CDH4: variants seen among roughly 807,000 people sequenced by gnomAD.
CDH4 encodes the protein cadherin 4.
Under a neutral mutation model 86.0 loss-of-function variants are expected in CDH4, and 33 were observed. The observed-to-expected ratio is 0.38, with a 90% CI of 0.29 to 0.51. The LOEUF (loss-of-function observed/expected upper bound fraction) is 0.51, where lower values mean the gene tolerates loss of function less well. CDH4 is among the 20% of genes least tolerant of loss of function. The probability of loss-of-function intolerance (pLI) is 0.86; values close to 1 mark genes in which losing one functional copy is unlikely to be tolerated. For synonymous variants in CDH4, 555 were observed against 549.4 expected (o/e 1.01, Z -0.14); for missense variants, 1,114 against 1,307.4 (o/e 0.85, Z 2.28).
intron 2 of CDH4, among the ~76,000 whole-genome samples, chr20:61,362,184 G>A (rs931600536): frequency 6.6e-6 from 1 of 152,328 alleles, no homozygotes; most frequent in African/African-American, 2.4e-5. Flanking sequence ...AGGTCCAGGT[G>A]GGGGCACAGC....
rs918943934 is a variant in CDH4 at position 61,623,397 on chromosome 20, C to T, written c.170-120166C>T. Among the ~76,000 whole-genome samples the T allele has an allele frequency of 6.6e-6, 1 of 152,168 alleles. No individual in the cohort carries two copies. Among genetic ancestry groups the T allele is most frequent in the African/African-American group, 2.4e-5 (1 of 41,434 alleles). On this transcript the variant is annotated intron_variant, in intron 2 of 15. Transcript: ENST00000614565. This position sits in a 1 kb window ranked among gnomAD's most constrained non-coding sequence, Gnocchi z 4.4. ...CCATCACAAAGCCCCCTTTAAACTC[C>T]CGTTTAGAACAGTGATTGAAGGTGC...
At chr20:61,455,985 G>A (rs941586985) in intron 2 of CDH4, among the ~76,000 whole-genome samples, 1 of 150,764 alleles carries the variant, frequency 6.6e-6, no homozygotes. Flanking sequence ...ATAGAAGGAT[G>A]GATGGATGGA....
chr20:61,623,959 G>A lies in CDH4; in HGVS notation c.170-119604G>A, dbSNP rs1568719078. Among the ~76,000 whole-genome samples, 1 of 152,056 alleles carries A rather than the reference G, an allele frequency of 6.6e-6. No individual in the cohort carries two copies. The highest frequency in any genetic ancestry group is 1.5e-5 in the Non-Finnish European group (1 of 68,008). Reference sequence around the variant, plus strand: ...GAGGAACACCCCAGAATCTGAGCAGGAAAGACACGGTTCCTAGAGCGAGGA... The same window carrying A: ...GAGGAACACCCCAGAATCTGAGCAGAAAAGACACGGTTCCTAGAGCGAGGA... On this transcript the variant is annotated intron_variant, in intron 2 of 15. Transcript: ENST00000614565. The surrounding 1 kb of genome is among the most constrained non-coding windows in gnomAD (Gnocchi z 4.4).
intron 2 of CDH4, among the ~76,000 whole-genome samples, chr20:61,680,388 A>G (rs1030362311): frequency 2.0e-5 from 3 of 152,044 alleles, no homozygotes; most frequent in Admixed American, 6.5e-5. Context: ...TGCCTCCGTG[A>G]CCTTGCCCCA....
At position 61,565,358 on chromosome 20, in the gene CDH4, G is replaced by GC. The variant is rs144748536; in HGVS notation, c.170-178205_170-178204insC. On this transcript the variant is annotated intron_variant, in intron 2 of 15. Coordinates refer to ENST00000614565, the MANE Select transcript of CDH4 (RefSeq NM_001794.5). The stretch of plus-strand genomic sequence containing the variant: ...GGTGGTAGTGGTCCTCTTGGTGATG[G>GC]GGTGATGGTGGTGGTGGTCCTCTTG... 4.4e-3 allele frequency among the ~76,000 whole-genome samples: 147 copies of GC among 33,354 alleles called. 29 individuals are homozygous for GC. The highest frequency in any genetic ancestry group is 4.0e-3 in the Non-Finnish European group (70 of 17,616). 21.9% of individuals were successfully genotyped at this position (33,354 alleles called of 152,430 possible).
intron 5 of CDH4, among the ~76,000 whole-genome samples, chr20:61,851,190 G>A (rs985410897): frequency 3.3e-5 from 5 of 152,214 alleles, no homozygotes; most frequent in African/African-American, 1.2e-4. Flanking sequence ...TGGCGTGCGT[G>A]CAGCCACATC....
At chr20:61,275,132 T>C (rs1459968640) in intron 2 of CDH4, among the ~76,000 whole-genome samples, 8 of 103,436 alleles carry the variant, frequency 7.7e-5, no homozygotes, top group Admixed American at 1.2e-4. Context: ...TGGGGAGTAC[T>C]GTGTGCAGTT....
intron 2 of CDH4, among the ~76,000 whole-genome samples, chr20:61,689,241 G>A (rs1213237259): frequency 7.5e-6 from 1 of 133,742 alleles, no homozygotes; most frequent in African/African-American, 2.8e-5. Context: ...ACAGTGGTTG[G>A]TGAGGTGATG....
At chr20:61,673,407 A>G (rs1319750493) in intron 2 of CDH4, among the ~76,000 whole-genome samples, 2 of 152,212 alleles carry the variant, frequency 1.3e-5, no homozygotes, top group East Asian at 1.9e-4. Context: ...CGTGAAGGGC[A>G]TGGTGCTTAT....
intron 3 of CDH4, among the ~76,000 whole-genome samples, chr20:61,763,078 C>G (rs571376580): frequency 2.0e-5 from 3 of 152,230 alleles, no homozygotes; most frequent in Non-Finnish European, 4.4e-5. Flanking sequence ...GACCTGGCCG[C>G]TGGGCGGGAT....
chr20:61,802,892 C>T (rs1447625164), intron 4 of CDH4, among the ~76,000 whole-genome samples: 1 of 152,166 alleles, frequency 6.6e-6, no homozygotes, highest in African/African-American at 2.4e-5. Context: ...CTGCCTTTTG[C>T]GGGATAGTCG....
intron 2 of CDH4, among the ~76,000 whole-genome samples, chr20:61,285,634 T>C (rs1226292859): frequency 2.0e-5 from 3 of 152,252 alleles, no homozygotes; most frequent in African/African-American, 7.2e-5. Flanking sequence ...TATTAACCAT[T>C]GATGGATAGT....
intron 6 of CDH4, among the ~76,000 whole-genome samples, chr20:61,870,412 C>A (rs533973571): frequency 1.3e-5 from 2 of 152,212 alleles, no homozygotes; most frequent in Non-Finnish European, 2.9e-5. Flanking sequence ...GCCCGAGAGA[C>A]CGTCATTCTC....
intron 2 of CDH4, among the ~76,000 whole-genome samples, chr20:61,465,530 G>T (rs2085467231): frequency 6.6e-6 from 1 of 152,190 alleles, no homozygotes; most frequent in Admixed American, 6.5e-5. Context: ...ACAGTGCCTA[G>T]CACCTCTCTG....
At chr20:61,356,919 C>T (rs962139210) in intron 2 of CDH4, among the ~76,000 whole-genome samples, 3 of 152,106 alleles carry the variant, frequency 2.0e-5, no homozygotes, top group Non-Finnish European at 4.4e-5. Context: ...CTCTTTCTCT[C>T]GGCAGCTGTT....
At chr20:61,324,292 G>T (rs1041806316) in intron 2 of CDH4, among the ~76,000 whole-genome samples, 31 of 152,266 alleles carry the variant, frequency 2.0e-4, no homozygotes, top group African/African-American at 7.0e-4. Context: ...GAAACTGATT[G>T]CATTAGTGTC....
chr20:61,686,511 G>C (rs1207178246), intron 2 of CDH4, among the ~76,000 whole-genome samples: 2 of 151,746 alleles, frequency 1.3e-5, no homozygotes, highest in Non-Finnish European at 2.9e-5. Context: ...GTGTATATGT[G>C]TGTGCATTCG....
intron 2 of CDH4, among the ~76,000 whole-genome samples, chr20:61,685,301 C>T (rs540995608): frequency 2.6e-5 from 4 of 152,262 alleles, no homozygotes; most frequent in African/African-American, 7.2e-5. Context: ...GCTTCAAAGC[C>T]GCCTCCACTC....
At chr20:61,478,622 G>C (rs1047828627) in intron 2 of CDH4, among the ~76,000 whole-genome samples, 1 of 152,232 alleles carries the variant, frequency 6.6e-6, no homozygotes, top group African/African-American at 2.4e-5. Flanking sequence ...ATCATGTCTT[G>C]ATCTGGGGGA....
Sources: allele counts gnomAD v4.1 joint callset (sites outside exome capture counted in the v4.1 genomes callset), GRCh38; gene constraint gnomAD v4.1.1; non-coding constraint Gnocchi (gnomAD v3.1); transcripts MANE v1.5; gene names NCBI Gene and HGNC (gene_info 2026-07-23, HGNC 2026-07-21).